UGT2B15: variants seen among roughly 807,000 people sequenced by gnomAD.
UGT2B15 encodes UDP glucuronosyltransferase family 2 member B15.
Under a neutral mutation model 45.9 loss-of-function variants are expected in UGT2B15, and 36 were observed. The observed-to-expected ratio is 0.78, with a 90% CI of 0.60 to 1.04. UGT2B15 has a LOEUF of 1.04. Among genes scored for constraint, UGT2B15 ranks in the 50% least tolerant of loss-of-function variants. The probability of loss-of-function intolerance (pLI) is 0.00; values close to 1 mark genes in which losing one functional copy is unlikely to be tolerated. For missense variants in UGT2B15, 617 were observed against 622.4 expected (o/e 0.99, Z 0.09); for synonymous variants, 219 against 216.4 (o/e 1.01, Z -0.11).
intron 2 of UGT2B15, among the ~76,000 whole-genome samples, chr4:68,663,511 A>AT (rs889744352): frequency 9.9e-5 from 15 of 151,786 alleles, no homozygotes; most frequent in African/African-American, 3.1e-4. Context: ...TTCAATTCTA[A>AT]TTTTTTTTGT....
intron 3 of UGT2B15, among the ~76,000 whole-genome samples, chr4:68,655,882 T>C (rs189261926): frequency 9.2e-5 from 14 of 152,200 alleles, no homozygotes; most frequent in Non-Finnish European, 1.9e-4. Context: ...CTGAGAACTG[T>C]CTCATATATT....
At chr4:68,661,510 C>G (rs951750560) in intron 3 of UGT2B15, among the ~76,000 whole-genome samples, 3 of 151,840 alleles carry the variant, frequency 2.0e-5, no homozygotes, top group African/African-American at 7.3e-5. Context: ...TAGCTGTAAC[C>G]TTCCAAATTT....
intron 2 of UGT2B15, among the ~76,000 whole-genome samples, chr4:68,667,149 CTT>C (rs1307978813): frequency 2.1e-5 from 3 of 143,186 alleles, no homozygotes; most frequent in Admixed American, 7.0e-5. Context: ...CAAGCCTTTA[CTT>C]TTTTTTTTTT....
At chr4:68,649,555 A>C (rs1488297942) in intron 5 of UGT2B15, among the ~76,000 whole-genome samples, 1 of 151,920 alleles carries the variant, frequency 6.6e-6, no homozygotes, top group Non-Finnish European at 1.5e-5. Flanking sequence ...TGTCGGGATT[A>C]CAGGTGTGAG....
rs1733261599 is a variant in UGT2B15, at chr4:68,670,137, A to G, written c.482T>C (p.Leu161Pro). The G allele has an allele frequency of 1.9e-6, 3 of 1,614,020 alleles. No individual in the cohort carries two copies. The highest frequency in any genetic ancestry group is 1.3e-5 in the African/African-American group (1 of 74,932). Reference protein sequence around the residue: ...ADALNPCGELLAELFNIPFLY... With the variant: ...ADALNPCGELPAELFNIPFLY... ...AAAGGGTATGTTAAATAGTTCAGCC[A>G]GTAGCTCACCACAGGGATTAAGGGC... Residue 161 changes from leucine (L) to proline (P), a missense_variant, in exon 1 of 6, where the codon CTG becomes CCG. Leu to Pro is a moderately conservative substitution (Grantham distance 98). Coordinates refer to ENST00000338206, the MANE Select transcript of UGT2B15 (RefSeq NM_001076.4).
intron 2 of UGT2B15, among the ~76,000 whole-genome samples, chr4:68,667,083 A>G (rs1184414301): frequency 1.3e-5 from 2 of 151,586 alleles, no homozygotes; most frequent in Non-Finnish European, 2.9e-5. Context: ...CCTGTAAATT[A>G]AATTTGGAGT....
In UGT2B15 at chr4:68,668,059, G is replaced by A; in HGVS notation, c.854C>T (p.Pro285Leu). 6.2e-7 allele frequency: 1 copy of A among 1,613,882 alleles called. No homozygotes were observed. Among genetic ancestry groups the A allele is most frequent in the Admixed American group, 1.7e-5 (1 of 59,972 alleles). The change falls in exon 2 of 6, where the codon CCA (proline) becomes CTA (leucine). Residue 285 changes from proline to leucine, a missense_variant. Pro to Leu is a moderately conservative substitution (Grantham distance 98). This residue lies in a region of UGT2B15 where 351 missense variants were observed against 342.1 expected (regional missense o/e 1.03). Coordinates refer to ENST00000338206, the MANE Select transcript of UGT2B15 (RefSeq NM_001076.4). ...ATTTACCTTAGGCAGGGGTTTGGCT[G>A]GTTTACAGTGAAGTCCTCCAACAAA... The part of the protein sequence containing the change: ...VDFVGGLHCK[P>L]AKPLPKEMEE...
chr4:68,656,781 C>G (rs1310262261), intron 3 of UGT2B15, among the ~76,000 whole-genome samples: 2 of 151,222 alleles, frequency 1.3e-5, no homozygotes, highest in South Asian at 2.1e-4. Flanking sequence ...TTGTGGAGTT[C>G]CAAGAGTTGT....
chr4:68,668,324 A>G, intron 1 of UGT2B15, 136 bp from the exon 2 acceptor site: 1 of 1,239,494 alleles, frequency 8.1e-7, no homozygotes, highest in Non-Finnish European at 1.1e-6. Context: ...GATAAAATAT[A>G]TATAAATACA....
chr4:68,666,755 T>A lies in UGT2B15; in HGVS notation c.873+1285A>T, dbSNP rs868187941. On this transcript the variant is annotated intron_variant, in intron 2 of 5. Coordinates refer to ENST00000338206, the MANE Select transcript of UGT2B15 (RefSeq NM_001076.4). ...TTACATATATATATATATATATATT[T>A]TTTTTTTTTGAGACAGATTCTCACT... is the stretch of plus-strand genomic sequence containing the variant. Among the ~76,000 whole-genome samples, 840 of 145,830 alleles carry A rather than the reference T, an allele frequency of 5.8e-3. 3 individuals are homozygous for A. The highest frequency in any genetic ancestry group is 0.032 in the Middle Eastern group (9 of 278).
At position 68,666,752 on chromosome 4, in the gene UGT2B15, A is replaced by ATTTTT. The variant is rs775748401; in HGVS notation, c.873+1283_873+1287dup. On this transcript the variant is annotated intron_variant, in intron 2 of 5. Coordinates refer to ENST00000338206, the MANE Select transcript of UGT2B15 (RefSeq NM_001076.4). ...AAATTACATATATATATATATATAT[A>ATTTTT]TTTTTTTTTTTTGAGACAGATTCTC... is the stretch of plus-strand genomic sequence containing the variant. Among the ~76,000 whole-genome samples the ATTTTT allele has an allele frequency of 8.7e-3, 1,110 of 127,818 alleles. 13 individuals carry two copies. Among genetic ancestry groups the ATTTTT allele is most frequent in the Admixed American group, 0.011 (137 of 11,932 alleles). The allele number at this position is 127,818 out of a possible 152,430, so 83.9% of individuals were successfully genotyped here.
intron 5 of UGT2B15, among the ~76,000 whole-genome samples, chr4:68,652,373 T>C (rs1451537562): frequency 1.3e-5 from 2 of 151,906 alleles, no homozygotes; most frequent in Admixed American, 1.3e-4. Context: ...CCTTTATTTC[T>C]TTCTCTAGTT....
In UGT2B15 at chr4:68,670,172, A is replaced by T; in HGVS notation, c.447T>A (p.Ile149=). 2 of 1,614,062 alleles carry T rather than the reference A, an allele frequency of 1.2e-6. No homozygotes were observed. Among genetic ancestry groups the T allele is most frequent in the Non-Finnish European group, 1.7e-6 (2 of 1,179,976 alleles). ...CACAGGGATTAAGGGCATCTGCCAG[A>T]ATGACATCAAACTTTGACTCTTGTA... ...MKLQESKFDV[I]LADALNPCGE... The change falls in exon 1 of 6, where the codon ATT becomes ATA. Residue 149 remains isoleucine, a synonymous_variant. Transcript: ENST00000338206.
rs188868928 is a variant in UGT2B15 at position 68,647,429 on chromosome 4, G to C, written c.1314-46C>G. 1.3e-4 allele frequency: 203 copies of C among 1,564,340 alleles called. No homozygotes were observed. In the East Asian group the frequency reaches 4.3e-3, roughly 33 times the overall value. ...TATCAACATTAAAAGTAAATTTATT[G>C]CTTAAGCATATCAAGTCTATGGATG... On this transcript the variant is annotated intron_variant, in intron 5 of 5. Transcript: ENST00000338206.
rs1733262771 is a variant in UGT2B15, at chr4:68,670,159, G to C, written c.460C>G (p.Leu154Val). Residue 154 changes from leucine (L) to valine (V), a missense_variant, in exon 1 of 6, where the codon CTT (leucine) becomes GTT (valine). By Grantham distance (32) the Leu-to-Val change is conservative. This residue lies in a region of UGT2B15 where 351 missense variants were observed against 342.1 expected (regional missense o/e 1.03). Transcript: ENST00000338206. ...GCCAGTAGCTCACCACAGGGATTAA[G>C]GGCATCTGCCAGAATGACATCAAAC... ...SKFDVILADALNPCGELLAEL... is the reference protein window; with the variant it reads ...SKFDVILADAVNPCGELLAEL... 6.2e-7 allele frequency: 1 copy of C among 1,614,050 alleles called. No homozygotes were observed. Among genetic ancestry groups the C allele is most frequent in the Non-Finnish European group, 8.5e-7 (1 of 1,179,966 alleles).
chr4:68,649,756 T>C (rs1732596443), intron 5 of UGT2B15, among the ~76,000 whole-genome samples: 1 of 152,222 alleles, frequency 6.6e-6, no homozygotes, highest in African/African-American at 2.4e-5. Flanking sequence ...ATAAAATATT[T>C]CAAAGATCAC....
Position 68,670,328 on chromosome 4 carries a change from C to G in UGT2B15, c.291G>C (p.Trp97Cys). The G allele has an allele frequency of 6.2e-7, 1 of 1,613,818 alleles. No individual in the cohort carries two copies. Among genetic ancestry groups the G allele is most frequent in the South Asian group, 1.1e-5 (1 of 90,998 alleles). Reference protein sequence around the residue: ...EDSLLKILDRWIYGVSKNTFW... With the variant: ...EDSLLKILDRCIYGVSKNTFW... ...ATGTATTTTTTGAAACACCATATAT[C>G]CATCTATCGAGAATTTTCAGAAGAG... The change falls in exon 1 of 6, where the codon TGG becomes TGC. Residue 97 changes from tryptophan to cysteine, a missense_variant. Physicochemically the swap from Trp to Cys is radical, Grantham distance 215 (BLOSUM62 -2). Around this residue, in one of 3 missense-constraint regions of UGT2B15, gnomAD observed 351 missense variants for 342.1 expected, o/e 1.03. Coordinates refer to ENST00000338206, the MANE Select transcript of UGT2B15 (RefSeq NM_001076.4).
intron 1 of UGT2B15, among the ~76,000 whole-genome samples, chr4:68,669,670 T>C (rs955282471): frequency 6.6e-6 from 1 of 152,106 alleles, no homozygotes; most frequent in Non-Finnish European, 1.5e-5. Flanking sequence ...ACAATGAAGG[T>C]TTATGACTCT....
At chr4:68,659,385 C>T (rs1162763959) in intron 3 of UGT2B15, among the ~76,000 whole-genome samples, 1 of 151,896 alleles carries the variant, frequency 6.6e-6, no homozygotes, top group Non-Finnish European at 1.5e-5. Flanking sequence ...GTTTCCCTAA[C>T]ATCCAAAAAT....
Sources: allele counts gnomAD v4.1 joint callset (sites outside exome capture counted in the v4.1 genomes callset), GRCh38; gene constraint gnomAD v4.1.1; regional missense constraint gnomAD v4.1.1; transcripts MANE v1.5; gene names NCBI Gene and HGNC (gene_info 2026-07-23, HGNC 2026-07-21).